Variants in CAMKMT observed in about 807,000 individuals in gnomAD.
The protein encoded by CAMKMT is CaM KMT.
In CAMKMT, 53 loss-of-function variants were observed where a neutral mutation model predicts 48.0. The ratio of observed to expected loss-of-function variants is 1.10; its 90% CI spans 0.89 to 1.39. The LOEUF (loss-of-function observed/expected upper bound fraction) is 1.39, where lower values mean the gene tolerates loss of function less well. Ranked by LOEUF, CAMKMT falls within the 40% of genes most tolerant of loss-of-function variation. CAMKMT has a pLI of 0.00. For synonymous variants in CAMKMT, 165 were observed against 152.3 expected (o/e 1.08, Z -0.61); for missense variants, 428 against 402.7 (o/e 1.06, Z -0.54).
rs1488554600 is a variant in CAMKMT, at chr2:44,631,405, A to G, written c.377-72878A>G. 62 of 514,728 alleles carry G rather than the reference A, an allele frequency of 1.2e-4. 2 individuals are homozygous for G. The South Asian group carries it at 1.4e-3, about 12-fold the overall frequency. 31.9% of individuals were successfully genotyped at this position (514,728 alleles called of 1,614,324 possible). On this transcript the variant is annotated intron_variant, in intron 3 of 10. Transcript: ENST00000378494. Reference sequence around the variant, plus strand: ...TAAAACTTAAAGTATAATAATAATAATAGTAATAATAATAAAAAAGAAAGG... The same window carrying G: ...TAAAACTTAAAGTATAATAATAATAGTAGTAATAATAATAAAAAAGAAAGG...
At chr2:44,679,779 G>C (rs930027998) in intron 3 of CAMKMT, among the ~76,000 whole-genome samples, 53 of 152,152 alleles carry the variant, frequency 3.5e-4, no homozygotes, top group African/African-American at 1.3e-3. Flanking sequence ...TGCACAGTTG[G>C]TTCATGGCAG....
chr2:44,603,176 C>T (rs892840596), intron 3 of CAMKMT, among the ~76,000 whole-genome samples: 1 of 152,166 alleles, frequency 6.6e-6, no homozygotes, highest in South Asian at 2.1e-4. Context: ...GCAGCCTCTG[C>T]CTCCTGGCTT....
At chr2:44,393,454 T>G (rs888159100) in intron 3 of CAMKMT, 13 of 152,216 alleles carry the variant, frequency 8.5e-5, no homozygotes, top group Non-Finnish European at 1.2e-4. Flanking sequence ...CGACCCAACC[T>G]TCTTTTTATA....
At chr2:44,594,827 G>T (rs1301020857) in intron 3 of CAMKMT, among the ~76,000 whole-genome samples, 1 of 151,856 alleles carries the variant, frequency 6.6e-6, no homozygotes, top group Non-Finnish European at 1.5e-5. Context: ...CTAATTAAAT[G>T]AAAGAGCTTC....
intron 3 of CAMKMT, chr2:44,456,757 T>A (rs1011706520): frequency 1.3e-5 from 9 of 692,528 alleles, no homozygotes; most frequent in Non-Finnish European, 1.8e-5. Flanking sequence ...AATGTTTTTC[T>A]TTTCCTTCTT....
At chr2:44,366,393 G>A (rs1294613119) in intron 1 of CAMKMT, among the ~76,000 whole-genome samples, 3 of 152,024 alleles carry the variant, frequency 2.0e-5, no homozygotes, top group African/African-American at 7.2e-5. Context: ...AGATTGTTTT[G>A]GAATGTATTT....
chr2:44,460,055 G>C (rs529820748), intron 3 of CAMKMT, among the ~76,000 whole-genome samples: 12 of 152,306 alleles, frequency 7.9e-5, no homozygotes, highest in Admixed American at 1.3e-4. Context: ...AGCAGCAATA[G>C]TTAACTGACT....
chr2:44,414,712 A>T (rs1232609283), intron 3 of CAMKMT, among the ~76,000 whole-genome samples: 1 of 152,222 alleles, frequency 6.6e-6, no homozygotes, highest in Non-Finnish European at 1.5e-5. Context: ...TGCAAAGATC[A>T]TTGAGGACCA....
At position 44,458,871 on chromosome 2, in the gene CAMKMT, C is replaced by T. The variant is rs189826355; in HGVS notation, c.376+68566C>T. On this transcript the variant is annotated intron_variant, in intron 3 of 10. Transcript: ENST00000378494. ...TAATACGAGGTTTCTAAAGGCCATA[C>T]GTAACTGTGTACATAAAGAGGAAAG... is the stretch of plus-strand genomic sequence containing the variant. 7.4e-4 allele frequency among the ~76,000 whole-genome samples: 112 copies of T among 152,230 alleles called. 1 individual carries two copies. Among genetic ancestry groups the T allele is most frequent in the African/African-American group, 2.4e-3 (100 of 41,542 alleles).
At chr2:44,557,896 C>T (rs1489114337) in intron 3 of CAMKMT, among the ~76,000 whole-genome samples, 3 of 152,142 alleles carry the variant, frequency 2.0e-5, no homozygotes, top group African/African-American at 7.2e-5. Context: ...AGGTTGGTCT[C>T]CACTCCCCAC....
At chr2:44,738,577 T>C (rs1462542784) in intron 7 of CAMKMT, among the ~76,000 whole-genome samples, 1 of 152,230 alleles carries the variant, frequency 6.6e-6, no homozygotes, top group Non-Finnish European at 1.5e-5. Flanking sequence ...ATATGGCATA[T>C]TTATTGAACA....
At chr2:44,719,595 G>T (rs1049283260) in intron 7 of CAMKMT, among the ~76,000 whole-genome samples, 2 of 152,130 alleles carry the variant, frequency 1.3e-5, no homozygotes, top group South Asian at 4.1e-4. Context: ...GTATATGAAA[G>T]CTTTTAAAAT....
intron 3 of CAMKMT, among the ~76,000 whole-genome samples, chr2:44,668,795 T>A (rs1318073307): frequency 6.6e-6 from 1 of 152,144 alleles, no homozygotes; most frequent in African/African-American, 2.4e-5. Flanking sequence ...TTTTCTTTTT[T>A]TTTTGAGACA....
At chr2:44,682,429 C>G (rs1676075641) in intron 3 of CAMKMT, among the ~76,000 whole-genome samples, 1 of 151,980 alleles carries the variant, frequency 6.6e-6, no homozygotes, top group African/African-American at 2.4e-5. Context: ...ATTTTAAACC[C>G]AATAGAAGAG....
At position 44,362,020 on chromosome 2, in the gene CAMKMT, G is replaced by A; in HGVS notation, c.13G>A (p.Val5Ile). Reference protein sequence around the residue: MESRVADAGTGETAR... With the variant: MESRIADAGTGETAR... Reference sequence around the variant, plus strand: ...AGGCTCCAGTGAGATGGAGTCGCGAGTCGCGGACGCTGGGACCGGCGAGAC... The same window carrying A: ...AGGCTCCAGTGAGATGGAGTCGCGAATCGCGGACGCTGGGACCGGCGAGAC... Residue 5 changes from valine (V) to isoleucine (I), a missense_variant, in exon 1 of 11, where the codon GTC becomes ATC. By Grantham distance (29) the Val-to-Ile change is conservative. Coordinates refer to ENST00000378494, the MANE Select transcript of CAMKMT (RefSeq NM_024766.5). 1 of 1,414,322 alleles carries A rather than the reference G, an allele frequency of 7.1e-7. No homozygotes were observed. Among genetic ancestry groups the A allele is most frequent in the Non-Finnish European group, 9.2e-7 (1 of 1,089,746 alleles). 87.6% of individuals were successfully genotyped at this position (1,414,322 alleles called of 1,614,324 possible). A position where few individuals can be genotyped will look rare whatever the true frequency, so the allele number is the denominator to read the frequency against.
intron 3 of CAMKMT, among the ~76,000 whole-genome samples, chr2:44,461,214 A>T (rs778565142): frequency 6.6e-6 from 1 of 152,222 alleles, no homozygotes; most frequent in African/African-American, 2.4e-5. Context: ...GCTTTTGTGT[A>T]TACCTCGTTG....
At chr2:44,512,044 T>C (rs1670590258) in intron 3 of CAMKMT, among the ~76,000 whole-genome samples, 1 of 152,048 alleles carries the variant, frequency 6.6e-6, no homozygotes, top group Non-Finnish European at 1.5e-5. Context: ...GAGGAAGGAG[T>C]GCACAGTGAA....
chr2:44,441,691 G>T (rs1666673965), intron 3 of CAMKMT, among the ~76,000 whole-genome samples: 1 of 151,958 alleles, frequency 6.6e-6, no homozygotes, highest in African/African-American at 2.4e-5. Context: ...AAAGTGCTTG[G>T]TCTTCTGCCA....
intron 7 of CAMKMT, among the ~76,000 whole-genome samples, chr2:44,719,370 A>G (rs1212192446): frequency 6.6e-6 from 1 of 152,146 alleles, no homozygotes; most frequent in East Asian, 1.9e-4. Context: ...TTGCATGTTC[A>G]CTGGTTTATC....
Sources: allele counts gnomAD v4.1 joint callset (sites outside exome capture counted in the v4.1 genomes callset), GRCh38; gene constraint gnomAD v4.1.1; transcripts MANE v1.5; gene names NCBI Gene and HGNC (gene_info 2026-07-23, HGNC 2026-07-21).